FYB1: variants seen among roughly 807,000 people sequenced by gnomAD.
FYB1 encodes FYN-binding protein 1.
In FYB1, 41 loss-of-function variants were observed where a neutral mutation model predicts 94.1. The observed-to-expected ratio is 0.44, with a 90% CI of 0.34 to 0.57. The LOEUF (loss-of-function observed/expected upper bound fraction) is 0.57. Among genes scored for constraint, FYB1 ranks in the 20% least tolerant of loss-of-function variants. The pLI is 0.02. For missense variants in FYB1, 1,050 were observed against 976.8 expected (o/e 1.07, Z -1.00); for synonymous variants, 367 against 353.2 (o/e 1.04, Z -0.44).
intron 1 of FYB1, among the ~76,000 whole-genome samples, chr5:39,238,938 C>T (rs1751089280): frequency 6.6e-6 from 1 of 152,014 alleles, no homozygotes; most frequent in African/African-American, 2.4e-5. Context: ...TTTTGGCCAC[C>T]TGACTTGCTC....
chr5:39,183,911 T>TTTAGATGCTTAAG (rs1746495489), intron 2 of FYB1, among the ~76,000 whole-genome samples: 1 of 152,168 alleles, frequency 6.6e-6, no homozygotes, highest in Non-Finnish European at 1.5e-5. Flanking sequence ...CTAAGCTCAT[T>TTTAGATGCTTAAG]CTGGTATAGA....
chr5:39,147,341 C>T (rs901889014), intron 3 of FYB1, among the ~76,000 whole-genome samples: 2 of 151,726 alleles, frequency 1.3e-5, no homozygotes, highest in African/African-American at 2.4e-5. Flanking sequence ...GAGATCATGG[C>T]TCACTGCAGG....
intron 16 of FYB1, among the ~76,000 whole-genome samples, chr5:39,117,178 T>G (rs1739653124): frequency 6.6e-6 from 1 of 152,186 alleles, no homozygotes; most frequent in Admixed American, 6.5e-5. Context: ...TATTTAATTA[T>G]TTTTTAAGTT....
Position 39,127,147 on chromosome 5 carries a change from C to G in FYB1, c.1907+594G>C, listed in dbSNP as rs553214936. Among the ~76,000 whole-genome samples the G allele has an allele frequency of 2.0e-5, 3 of 149,212 alleles. No homozygotes were observed. The South Asian group carries it at 6.3e-4, about 31-fold the overall frequency. ...AAAGAAAATTTATTTTCTTATTGAC[C>G]TAAAATATTTTTATGTTTATAAATT... On this transcript the variant is annotated intron_variant, in intron 11 of 18. Coordinates refer to ENST00000512982, the MANE Select transcript of FYB1 (RefSeq NM_001465.6).
intron 1 of FYB1, among the ~76,000 whole-genome samples, chr5:39,232,442 C>T (rs928547960): frequency 1.3e-4 from 20 of 152,174 alleles, no homozygotes; most frequent in African/African-American, 2.9e-4. Flanking sequence ...AGGCTGACAA[C>T]GGACCCAGCT....
At chr5:39,218,824 C>T (rs1460766596) in intron 1 of FYB1, among the ~76,000 whole-genome samples, 2 of 152,174 alleles carry the variant, frequency 1.3e-5, no homozygotes, top group South Asian at 2.1e-4. Flanking sequence ...CCAAAGGCTC[C>T]GAGGAAAATT....
intron 2 of FYB1, among the ~76,000 whole-genome samples, chr5:39,167,044 T>C (rs1021272065): frequency 6.6e-6 from 1 of 152,116 alleles, no homozygotes. Flanking sequence ...GAGAAAGATA[T>C]ATAAAGTTGG....
chr5:39,153,671 A>C, intron 2 of FYB1, 67 bp from the exon 3 acceptor site: 1 of 1,465,272 alleles, frequency 6.8e-7, no homozygotes, highest in African/African-American at 1.4e-5. Flanking sequence ...GTTAATTGCA[A>C]ACATAGTTGG....
intron 2 of FYB1, among the ~76,000 whole-genome samples, chr5:39,163,181 A>G (rs1744417367): frequency 6.6e-6 from 1 of 152,218 alleles, no homozygotes; most frequent in African/African-American, 2.4e-5. Flanking sequence ...ATTCAAAGCC[A>G]TCTGCTCTTA....
At chr5:39,183,505 C>T (rs982185206) in intron 2 of FYB1, among the ~76,000 whole-genome samples, 6 of 152,170 alleles carry the variant, frequency 3.9e-5, no homozygotes, top group African/African-American at 1.4e-4. Context: ...CACAAGTGAA[C>T]TGCCAAATGC....
chr5:39,167,527 TG>T (rs1744848673), intron 2 of FYB1, among the ~76,000 whole-genome samples: 1 of 152,236 alleles, frequency 6.6e-6, no homozygotes, highest in African/African-American at 2.4e-5. Flanking sequence ...CTCTGCATGC[TG>T]AATATTGTGC....
At chr5:39,192,021 C>G (rs1445796886) in intron 2 of FYB1, among the ~76,000 whole-genome samples, 2 of 152,238 alleles carry the variant, frequency 1.3e-5, no homozygotes, top group East Asian at 1.9e-4. Context: ...AAAGAAGAAG[C>G]CTTTAATGGC....
chr5:39,107,747 T>G lies in FYB1; in HGVS notation c.2468-282A>C, dbSNP rs555287720. On this transcript the variant is annotated intron_variant, in intron 18 of 18. Transcript: ENST00000512982. ...GTCATATACTTTTTGGTAGTCACTC[T>G]GAACGAGGTTGAAGATATTAAAGAG... is the stretch of plus-strand genomic sequence containing the variant. Among the ~76,000 whole-genome samples, 27 of 152,140 alleles carry G rather than the reference T, an allele frequency of 1.8e-4. No homozygotes were observed. In the South Asian group the frequency reaches 3.9e-3, roughly 22 times the overall value.
At chr5:39,256,319 A>G (rs1751939176) in intron 1 of FYB1, among the ~76,000 whole-genome samples, 1 of 152,176 alleles carries the variant, frequency 6.6e-6, no homozygotes, top group Admixed American at 6.5e-5. Flanking sequence ...AGCCCTCCCC[A>G]CCTTTTTTTG....
chr5:39,252,661 A>T (rs1751778365), intron 1 of FYB1, among the ~76,000 whole-genome samples: 1 of 152,214 alleles, frequency 6.6e-6, no homozygotes, highest in African/African-American at 2.4e-5. Flanking sequence ...TACTAAGTTT[A>T]TGAAACAGCA....
chr5:39,110,357 T>G lies in FYB1; in HGVS notation c.2434A>C (p.Asn812His), dbSNP rs1047993806. ...GYVLRSYLAD[N>H]DGEIYDDIAD... is the part of the protein sequence containing the mutation. ...AGTAGTAGAAGAAAATGGGCTTACT[T>G]GTCCGCTAGGTAACTCCGAAGGACA... is the stretch of plus-strand genomic sequence containing the variant. Residue 812 changes from asparagine (N) to histidine (H), a missense_variant and splice_region_variant, in exon 17 of 19, where the codon AAT becomes CAT. Coordinates refer to ENST00000512982, the MANE Select transcript of FYB1 (RefSeq NM_001465.6). 6.3e-7 allele frequency: 1 copy of G among 1,593,504 alleles called. No individual in the cohort carries two copies. Among genetic ancestry groups the G allele is most frequent in the African/African-American group, 1.3e-5 (1 of 74,508 alleles).
intron 1 of FYB1, among the ~76,000 whole-genome samples, chr5:39,227,356 G>T (rs1404858096): frequency 2.0e-5 from 3 of 152,184 alleles, no homozygotes; most frequent in Non-Finnish European, 4.4e-5. Flanking sequence ...CATAGGGGAT[G>T]CCAATAGTAT....
chr5:39,235,648 A>G (rs1005118323), intron 1 of FYB1, among the ~76,000 whole-genome samples: 1 of 151,792 alleles, frequency 6.6e-6, no homozygotes, highest in Non-Finnish European at 1.5e-5. Context: ...TTGTATAAAC[A>G]GTCGTTAAGC....
In FYB1 at chr5:39,108,280, A is replaced by T; in HGVS notation, c.2436-18T>A. ...CTCCATCACTGTAAATGTAAAAAAA[A>T]ATTTTTATTTTAAAGAAACTATGTT... On this transcript the variant is annotated intron_variant, in intron 17 of 18. Transcript: ENST00000512982. The T allele has an allele frequency of 6.6e-7, 1 of 1,518,026 alleles. No individual in the cohort carries two copies. The highest frequency in any genetic ancestry group is 8.9e-7 in the Non-Finnish European group (1 of 1,123,378). 94.0% of individuals were successfully genotyped at this position (1,518,026 alleles called of 1,614,324 possible).
Sources: allele counts gnomAD v4.1 joint callset (sites outside exome capture counted in the v4.1 genomes callset), GRCh38; gene constraint gnomAD v4.1.1; transcripts MANE v1.5; gene names NCBI Gene and HGNC (gene_info 2026-07-23, HGNC 2026-07-21).